The following JAZF1 variants were observed in gnomAD, a reference collection of about 807,000 sequenced individuals.
The protein encoded by JAZF1 is juxtaposed with another zinc finger protein 1.
In JAZF1, 8 loss-of-function variants were observed where a neutral mutation model predicts 26.4. That is an observed-to-expected ratio of 0.30 (90% CI 0.18 to 0.55). The LOEUF is 0.55. Ranked by LOEUF, JAZF1 falls within the 20% of genes least tolerant of loss-of-function variation. The probability of loss-of-function intolerance (pLI) is 0.94; values close to 1 mark genes in which losing one functional copy is unlikely to be tolerated. For missense variants in JAZF1, 199 were observed against 322.0 expected (o/e 0.62, Z 2.92); for synonymous variants, 126 against 122.3 (o/e 1.03, Z -0.20).
chr7:27,832,140 TAGTA>T lies in JAZF1; in HGVS notation c.*656_*659del, dbSNP rs1460885063. On this transcript the variant is annotated 3_prime_UTR_variant, in exon 5 of 5. Coordinates refer to ENST00000283928, the MANE Select transcript of JAZF1 (RefSeq NM_175061.4). ...ATGCCATTTATAACACTAAAATGAC[TAGTA>T]AGTCAGATGGCAAGATTTTCAGCTT... 1 of 213,350 alleles carries T rather than the reference TAGTA, an allele frequency of 4.7e-6. No homozygotes were observed. The highest frequency in any genetic ancestry group is 9.5e-6 in the Non-Finnish European group (1 of 105,248). 13.2% of individuals were successfully genotyped at this position (213,350 alleles called of 1,614,324 possible).
At chr7:27,854,835 T>C (rs1199849013) in intron 3 of JAZF1, among the ~76,000 whole-genome samples, 1 of 152,216 alleles carries the variant, frequency 6.6e-6, no homozygotes, top group Non-Finnish European at 1.5e-5. Flanking sequence ...GACAATTATG[T>C]GTCTTGGGGT....
intron 1 of JAZF1, among the ~76,000 whole-genome samples, chr7:28,125,202 T>G (rs1259462622): frequency 2.0e-5 from 3 of 151,540 alleles, no homozygotes; most frequent in Admixed American, 6.6e-5. Flanking sequence ...AAAAATATTA[T>G]TTAAGACCCA....
At chr7:28,000,758 A>G (rs1786138925) in intron 1 of JAZF1, among the ~76,000 whole-genome samples, 2 of 151,318 alleles carry the variant, frequency 1.3e-5, no homozygotes, top group East Asian at 2.0e-4. Flanking sequence ...AGCTGGGATT[A>G]CAGGCATCCG....
chr7:27,929,996 C>CTT (rs1011467390), intron 2 of JAZF1, among the ~76,000 whole-genome samples: 1 of 147,916 alleles, frequency 6.8e-6, no homozygotes, highest in East Asian at 1.9e-4. Flanking sequence ...CTCTCTCTCT[C>CTT]TTTCTTTCTT....
chr7:28,132,248 T>C (rs537464173), intron 1 of JAZF1, among the ~76,000 whole-genome samples: 2 of 152,292 alleles, frequency 1.3e-5, no homozygotes, highest in South Asian at 2.1e-4. Flanking sequence ...AATGAATTCA[T>C]TAGGGAGAAC....
At chr7:28,088,050 GC>G (rs999832910) in intron 1 of JAZF1, among the ~76,000 whole-genome samples, 2 of 151,942 alleles carry the variant, frequency 1.3e-5, no homozygotes, top group Non-Finnish European at 2.9e-5. Flanking sequence ...CTACATCCTT[GC>G]CCCCCTCATA....
intron 1 of JAZF1, among the ~76,000 whole-genome samples, chr7:28,005,990 A>C (rs1392343658): frequency 6.6e-6 from 1 of 152,146 alleles, no homozygotes; most frequent in Non-Finnish European, 1.5e-5. Context: ...GCAGATAAAG[A>C]TGACAGTGAC....
intron 1 of JAZF1, among the ~76,000 whole-genome samples, chr7:28,070,058 A>G (rs1783952495): frequency 6.6e-6 from 1 of 152,158 alleles, no homozygotes; most frequent in Non-Finnish European, 1.5e-5. Flanking sequence ...TGGAGAGCTG[A>G]GTCCTGGCAG....
chr7:27,992,090 C>A, intron 1 of JAZF1, 109 bp from the exon 2 acceptor site: 1 of 752,996 alleles, frequency 1.3e-6, no homozygotes, highest in East Asian at 2.5e-5. Context: ...TAATTTAGTA[C>A]ACCACTTTTT....
At chr7:27,847,896 G>C (rs559511756) in intron 3 of JAZF1, among the ~76,000 whole-genome samples, 10 of 152,252 alleles carry the variant, frequency 6.6e-5, no homozygotes, top group African/African-American at 2.2e-4. Flanking sequence ...TCGAACTCCT[G>C]ACCTCAGGTG....
chr7:27,913,468 G>C (rs1246030670), intron 2 of JAZF1: 2 of 402,088 alleles, frequency 5.0e-6, no homozygotes, highest in Non-Finnish European at 1.0e-5. Context: ...GGGCGGAAGA[G>C]GGTGGGGAAC....
chr7:28,026,451 C>T (rs1388468541), intron 1 of JAZF1, among the ~76,000 whole-genome samples: 1 of 152,114 alleles, frequency 6.6e-6, no homozygotes, highest in Non-Finnish European at 1.5e-5. Flanking sequence ...GCACTTGTGG[C>T]CCAGTAATAG....
At chr7:27,935,618 T>C (rs1037354742) in intron 2 of JAZF1, among the ~76,000 whole-genome samples, 13 of 152,330 alleles carry the variant, frequency 8.5e-5, no homozygotes, top group Non-Finnish European at 1.5e-4. Context: ...CTAGGTTGTA[T>C]TGATGGCTGC....
At chr7:28,048,152 A>G (rs1273130546) in intron 1 of JAZF1, among the ~76,000 whole-genome samples, 2 of 152,152 alleles carry the variant, frequency 1.3e-5, no homozygotes, top group South Asian at 2.1e-4. Flanking sequence ...CTTTCTATTC[A>G]TATGTTCCTT....
At position 27,957,406 on chromosome 7, in the gene JAZF1, C is replaced by T. The variant is rs568462542; in HGVS notation, c.188+34503G>A. ...GGTAGCCTCAGAGGAAGCAATACCT[C>T]CAGGTAGTTCATCTAAGTGGGGACA... is the stretch of plus-strand genomic sequence containing the variant. On this transcript the variant is annotated intron_variant, in intron 2 of 4. Coordinates refer to ENST00000283928, the MANE Select transcript of JAZF1 (RefSeq NM_175061.4). Among the ~76,000 whole-genome samples the T allele has an allele frequency of 2.1e-4, 32 of 152,268 alleles. No homozygotes were observed. The South Asian group carries it at 6.2e-3, about 30-fold the overall frequency.
intron 3 of JAZF1, among the ~76,000 whole-genome samples, chr7:27,867,016 ACT>A (rs762264937): frequency 7.9e-5 from 12 of 152,296 alleles, no homozygotes; most frequent in Non-Finnish European, 1.8e-4. Context: ...GAGAGTGAGT[ACT>A]GTCTTTGTTG....
chr7:27,846,957 A>G (rs1052934653), intron 3 of JAZF1, among the ~76,000 whole-genome samples: 1 of 146,514 alleles, frequency 6.8e-6, no homozygotes, highest in Non-Finnish European at 1.5e-5. Flanking sequence ...AGTTTGATGT[A>G]GCCTTATCTG....
chr7:27,996,532 C>T (rs1386229400), intron 1 of JAZF1, among the ~76,000 whole-genome samples: 4 of 152,286 alleles, frequency 2.6e-5, no homozygotes, highest in Non-Finnish European at 5.9e-5. Flanking sequence ...GGGCTGGATA[C>T]GACACTTTTC....
chr7:28,001,300 C>T (rs1031844910), intron 1 of JAZF1, among the ~76,000 whole-genome samples: 2 of 151,768 alleles, frequency 1.3e-5, no homozygotes, highest in Non-Finnish European at 2.9e-5. Context: ...TGCAGTCAGC[C>T]GAGAACGTGC....
Sources: allele counts gnomAD v4.1 joint callset (sites outside exome capture counted in the v4.1 genomes callset), GRCh38; gene constraint gnomAD v4.1.1; transcripts MANE v1.5; gene names NCBI Gene and HGNC (gene_info 2026-07-23, HGNC 2026-07-21).